DPEP1: variants seen among roughly 807,000 people sequenced by gnomAD.
DPEP1 encodes the protein dipeptidase 1.
DPEP1 carries 50 observed loss-of-function variants against 42.3 expected under a neutral mutation model. The observed-to-expected ratio is 1.18, with a 90% CI of 0.94 to 1.50. The LOEUF (loss-of-function observed/expected upper bound fraction) is 1.50, where lower values mean the gene tolerates loss of function less well. Ranked by LOEUF, DPEP1 falls within the 40% of genes most tolerant of loss-of-function variation. DPEP1 has a pLI of 0.00. For missense variants in DPEP1, 663 were observed against 553.0 expected, an observed-to-expected ratio of 1.20 and a Z score of -1.99; for synonymous variants, 297 against 234.0, an observed-to-expected ratio of 1.27 and a Z score of -2.46.
chr16:89,620,079 C>T (rs562943379), intron 1 of DPEP1, among the ~76,000 whole-genome samples: 1 of 151,172 alleles, frequency 6.6e-6, no homozygotes, highest in Non-Finnish European at 1.5e-5. Flanking sequence ...CAGCTCAGTG[C>T]GGTCCACACG....
chr16:89,632,839 C>A (rs1371449663), intron 2 of DPEP1, among the ~76,000 whole-genome samples: 1 of 152,128 alleles, frequency 6.6e-6, no homozygotes, highest in Non-Finnish European at 1.5e-5. Flanking sequence ...GGGAGGACTG[C>A]TTGAACCCAG....
downstream of DPEP1, among the ~76,000 whole-genome samples, chr16:89,639,954 C>A (rs1043599260): frequency 6.6e-6 from 1 of 152,180 alleles, no homozygotes; most frequent in South Asian, 2.1e-4. Context: ...GGATTACAGG[C>A]GTGAGCTGCT....
chr16:89,618,010 C>T (rs987385704), intron 1 of DPEP1, among the ~76,000 whole-genome samples: 21 of 151,582 alleles, frequency 1.4e-4, no homozygotes, highest in Admixed American at 9.9e-4. Context: ...GGCGACAGAG[C>T]GAGACTCAGT....
At position 89,636,516 on chromosome 16, in the gene DPEP1, C is replaced by T; in HGVS notation, c.371-17C>T. 2 of 1,610,668 alleles carry T rather than the reference C, an allele frequency of 1.2e-6. No individual in the cohort carries two copies. Among genetic ancestry groups the T allele is most frequent in the South Asian group, 1.1e-5 (1 of 90,866 alleles). On this transcript the variant is annotated splice_polypyrimidine_tract_variant and intron_variant, in intron 4 of 10. Coordinates refer to ENST00000690203, the MANE Select transcript of DPEP1 (RefSeq NM_001389466.1). Reference sequence around the variant, plus strand: ...ATACCAGGTGCCCACTCCCCTGCACCCTGACTCTCCCCGCAGGCATTCGGC... The same window carrying T: ...ATACCAGGTGCCCACTCCCCTGCACTCTGACTCTCCCCGCAGGCATTCGGC...
downstream of DPEP1, among the ~76,000 whole-genome samples, chr16:89,638,878 G>A (rs1597778987): frequency 5.2e-5 from 1 of 19,194 alleles, no homozygotes; most frequent in Non-Finnish European, 8.8e-5. Flanking sequence ...CCCCACCCCT[G>A]CACACACACA....
downstream of DPEP1, among the ~76,000 whole-genome samples, chr16:89,638,803 C>G (rs114103212): frequency 0.062 from 3,556 of 57,356 alleles, 694 homozygotes; most frequent in South Asian, 0.15. Flanking sequence ...CACCCCCCAC[C>G]CCTGCACACA....
chr16:89,634,067 A>G (rs1286391784), intron 2 of DPEP1, among the ~76,000 whole-genome samples: 1 of 126,198 alleles, frequency 7.9e-6, no homozygotes, highest in Non-Finnish European at 1.8e-5. Context: ...CTGCATTTCT[A>G]TTTTTCTTTT....
At chr16:89,621,666 T>C (rs1330394135) in intron 1 of DPEP1, among the ~76,000 whole-genome samples, 1 of 152,188 alleles carries the variant, frequency 6.6e-6, no homozygotes, top group Admixed American at 6.5e-5. Context: ...CCCTCGCACA[T>C]GCAAGGAAGG....
intron 2 of DPEP1, among the ~76,000 whole-genome samples, chr16:89,635,495 A>G (rs1007341881): frequency 3.3e-5 from 5 of 152,118 alleles, no homozygotes; most frequent in African/African-American, 1.2e-4. Flanking sequence ...CCAAGAGGCA[A>G]TTTGATCTTT....
chr16:89,620,899 T>A (rs2151480348), intron 1 of DPEP1: 1 of 152,330 alleles, frequency 6.6e-6, no homozygotes, highest in East Asian at 1.9e-4. Context: ...CTGCCTGTGA[T>A]CCACCGTCAG....
intron 1 of DPEP1, chr16:89,620,589 C>T (rs1477072006): frequency 6.6e-6 from 1 of 152,240 alleles, no homozygotes; most frequent in East Asian, 1.9e-4. Context: ...CCCGGCTCTC[C>T]CTGGGGTACT....
Position 89,629,306 on chromosome 16 carries a change from G to C in DPEP1, c.-106-999G>C, listed in dbSNP as rs112209360. On this transcript the variant is annotated intron_variant, in intron 1 of 10. Transcript: ENST00000690203. ...GCTTGAGGCCAGGAGTTCGAGACCA[G>C]CCTGGGAAACATGGGGAAGACCCCA... Among the ~76,000 whole-genome samples, 1,248 of 152,224 alleles carry C rather than the reference G, an allele frequency of 8.2e-3. 18 individuals are homozygous for C. Among genetic ancestry groups the C allele is most frequent in the African/African-American group, 0.028 (1,183 of 41,532 alleles).
chr16:89,627,516 C>G (rs570184941), intron 1 of DPEP1, among the ~76,000 whole-genome samples: 1 of 147,410 alleles, frequency 6.8e-6, no homozygotes, highest in African/African-American at 2.5e-5. Flanking sequence ...CAGAGGTTGC[C>G]GTGAGCCGAG....
intron 1 of DPEP1, among the ~76,000 whole-genome samples, chr16:89,614,659 G>A (rs936850280): frequency 2.0e-5 from 3 of 152,338 alleles, no homozygotes; most frequent in South Asian, 4.1e-4. Flanking sequence ...GCCGGGCGTG[G>A]TGGCGGGCGC....
rs372951178 is a variant in DPEP1, at chr16:89,637,568, G to A, written c.853+16G>A. The A allele has an allele frequency of 1.7e-5, 28 of 1,612,732 alleles. No homozygotes were observed. The East Asian group carries it at 2.0e-4, about 12-fold the overall frequency. On this transcript the variant is annotated intron_variant, in intron 8 of 10. Transcript: ENST00000690203. ...CAAGTGGCCGGTAGGTGGGGTGTGA[G>A]CGGCCAAGGGGGCCGAAGGGGGAGG...
intron 1 of DPEP1, among the ~76,000 whole-genome samples, chr16:89,618,055 A>G (rs1352286535): frequency 1.3e-5 from 2 of 152,140 alleles, no homozygotes; most frequent in Non-Finnish European, 2.9e-5. Flanking sequence ...ATAAAAAATC[A>G]TCATTCTAAG....
At position 89,636,705 on chromosome 16, in the gene DPEP1, G is replaced by T. The variant is rs926620658; in HGVS notation, c.521+22G>T. ...CCTGGTGCGTGACTCCCCATGGGAG[G>T]CCCCCGGGCTGTGGTCAGGAGGGAG... is the stretch of plus-strand genomic sequence containing the variant. On this transcript the variant is annotated intron_variant, in intron 5 of 10. Coordinates refer to ENST00000690203, the MANE Select transcript of DPEP1 (RefSeq NM_001389466.1). 8 of 1,610,932 alleles carry T rather than the reference G, an allele frequency of 5.0e-6. No homozygotes were observed. The Admixed American group carries it at 1.2e-4, about 24-fold the overall frequency.
At position 89,616,772 on chromosome 16, in the gene DPEP1, C is replaced by CCAGGAAGCAGGCAGGAAGTGGG. The variant is rs1054723607; in HGVS notation, c.-107+3068_-107+3089dup. 5 of 265,372 alleles carry CCAGGAAGCAGGCAGGAAGTGGG rather than the reference C, an allele frequency of 1.9e-5. No homozygotes were observed. In the East Asian group the frequency reaches 4.5e-4, roughly 24 times the overall value. 16.4% of individuals were successfully genotyped at this position (265,372 alleles called of 1,614,324 possible). On this transcript the variant is annotated intron_variant, in intron 1 of 10. Coordinates refer to ENST00000690203, the MANE Select transcript of DPEP1 (RefSeq NM_001389466.1). ...CAGGCAGAGAGCGACCAGGAAGCGG[C>CCAGGAAGCAGGCAGGAAGTGGG]CAGGAAGCAGGCAGGAAGTGGGCAG... is the stretch of plus-strand genomic sequence containing the variant.
chr16:89,614,478 G>C (rs1458873835), intron 1 of DPEP1, among the ~76,000 whole-genome samples: 2 of 152,216 alleles, frequency 1.3e-5, no homozygotes, highest in Non-Finnish European at 2.9e-5. Flanking sequence ...TTCCTTCCAG[G>C]TGGAAAGGAT....
Sources: allele counts gnomAD v4.1 joint callset (sites outside exome capture counted in the v4.1 genomes callset), GRCh38; gene constraint gnomAD v4.1.1; transcripts MANE v1.5; gene names NCBI Gene and HGNC (gene_info 2026-07-23, HGNC 2026-07-21).